ERG: variants seen among roughly 807,000 people sequenced by gnomAD.
ERG encodes the protein transcriptional regulator ERG.
Under a neutral mutation model 55.3 loss-of-function variants are expected in ERG, and 9 were observed. The ratio of observed to expected loss-of-function variants is 0.16; its 90% CI spans 0.10 to 0.28. The LOEUF (loss-of-function observed/expected upper bound fraction) is 0.28. Among genes scored for constraint, ERG ranks in the 10% least tolerant of loss-of-function variants. The pLI is 1.00. For synonymous variants in ERG, 223 were observed against 237.3 expected (o/e 0.94, Z 0.55); for missense variants, 434 against 631.6 (o/e 0.69, Z 3.35).
Position 38,382,260 on chromosome 21 carries a change from T to C in ERG, c.*1143A>G. On this transcript the variant is annotated 3_prime_UTR_variant, in exon 10 of 10. Coordinates refer to ENST00000288319, the MANE Select transcript of ERG (RefSeq NM_182918.4). ...GGGGGAAAAACATTGACTTGTATACTTCATTCTGACAAACGCACAGCGTTC... is the reference window on the plus strand; with the variant it reads ...GGGGGAAAAACATTGACTTGTATACCTCATTCTGACAAACGCACAGCGTTC... 9.5e-7 allele frequency: 1 copy of C among 1,051,534 alleles called. No homozygotes were observed. Among genetic ancestry groups the C allele is most frequent in the Non-Finnish European group, 1.1e-6 (1 of 870,156 alleles). 65.1% of individuals were successfully genotyped at this position (1,051,534 alleles called of 1,614,324 possible). A position where few individuals can be genotyped will look rare whatever the true frequency, so the allele number is the denominator to read the frequency against.
intron 1 of ERG, among the ~76,000 whole-genome samples, chr21:38,592,428 G>C (rs146631953): frequency 6.6e-6 from 1 of 152,346 alleles, no homozygotes; most frequent in East Asian, 1.9e-4. Flanking sequence ...CCTGTGATGA[G>C]AGGAGAAACC....
At chr21:38,590,773 G>T (rs138015745) in intron 1 of ERG, among the ~76,000 whole-genome samples, 2 of 152,128 alleles carry the variant, frequency 1.3e-5, no homozygotes, top group Non-Finnish European at 1.5e-5. Context: ...CACTAACTAG[G>T]GTTGGGCTTT....
At chr21:38,372,410 CTT>C in the ERG span, among the ~76,000 whole-genome samples, 1 of 151,630 alleles carries the variant, frequency 6.6e-6, no homozygotes, top group Non-Finnish European at 1.5e-5. Flanking sequence ...TTTTTGCCAA[CTT>C]TTTAAAATGG....
intron 2 of ERG, among the ~76,000 whole-genome samples, chr21:38,566,605 G>A (rs1335817937): frequency 1.3e-5 from 2 of 152,206 alleles, no homozygotes; most frequent in Non-Finnish European, 2.9e-5. Flanking sequence ...ACTTGCTGAT[G>A]TTTTGAAACC....
chr21:38,564,460 T>G (rs2226684), intron 2 of ERG, among the ~76,000 whole-genome samples: 132,313 of 152,156 alleles, frequency 0.87, 57,695 homozygotes, highest in South Asian at 0.92. Flanking sequence ...CAACAAATAT[T>G]ACATAGCTGA....
chr21:38,415,779 T>C (rs982575980), intron 3 of ERG, among the ~76,000 whole-genome samples: 2 of 152,086 alleles, frequency 1.3e-5, no homozygotes, highest in Non-Finnish European at 2.9e-5. Context: ...CCAAGAATCC[T>C]GCAACCCCTG....
chr21:38,608,231 C>T (rs1272368523), intron 1 of ERG, among the ~76,000 whole-genome samples: 1 of 152,052 alleles, frequency 6.6e-6, no homozygotes, highest in East Asian at 1.9e-4. Flanking sequence ...AAAAGTTTAA[C>T]ATACATTTAC....
At chr21:38,475,745 G>T (rs796203326) in intron 1 of ERG, among the ~76,000 whole-genome samples, 8 of 152,092 alleles carry the variant, frequency 5.3e-5, no homozygotes, top group African/African-American at 1.9e-4. Flanking sequence ...CTCTGTCTTC[G>T]TTGAGCTGTG....
intron 2 of ERG, among the ~76,000 whole-genome samples, chr21:38,527,982 G>GA (rs951588661): frequency 1.6e-4 from 24 of 152,230 alleles, no homozygotes; most frequent in African/African-American, 5.8e-4. Context: ...CTCTGAGGTC[G>GA]AAAGTCCAAG....
chr21:38,573,462 A>G (rs1019600821), intron 2 of ERG, among the ~76,000 whole-genome samples: 2 of 152,248 alleles, frequency 1.3e-5, no homozygotes, highest in Admixed American at 6.5e-5. Context: ...AAACCGCCCT[A>G]TGGTGGAAGG....
chr21:38,394,427 A>G (rs1209691803), intron 6 of ERG, among the ~76,000 whole-genome samples: 1 of 150,664 alleles, frequency 6.6e-6, no homozygotes, highest in African/African-American at 2.4e-5. Flanking sequence ...ATCTCGGCTC[A>G]CTGCAAGCTC....
At chr21:38,607,147 C>G (rs1217251802) in intron 1 of ERG, among the ~76,000 whole-genome samples, 1 of 152,138 alleles carries the variant, frequency 6.6e-6, no homozygotes, top group Non-Finnish European at 1.5e-5. Flanking sequence ...CTTCAAAGTG[C>G]TGCTGGAAAA....
At chr21:38,548,450 A>ATT (rs879449636) in intron 2 of ERG, among the ~76,000 whole-genome samples, 79 of 141,650 alleles carry the variant, frequency 5.6e-4, no homozygotes, top group African/African-American at 7.1e-4. Flanking sequence ...TTATCATATG[A>ATT]TTTTTTTTTT....
At position 38,423,467 on chromosome 21, in the gene ERG, TCTC is replaced by T. The variant is rs1989645332; in HGVS notation, c.328_330del (p.Glu110del). 2 of 1,614,108 alleles carry T rather than the reference TCTC, an allele frequency of 1.2e-6. No homozygotes were observed. Among genetic ancestry groups the T allele is most frequent in the Non-Finnish European group, 1.7e-6 (2 of 1,180,006 alleles). ...GTCATGTTTGGGGGTGGCATGTGCT[TCTC>T]CTCCATGTAGCTGCCGTAGTTCATC... On this transcript the variant is annotated inframe_deletion, in exon 3 of 10. Transcript: ENST00000288319.
In ERG at chr21:38,460,945, A is replaced by G. The variant is rs941032980; in HGVS notation, c.19-15324T>C. 1.3e-5 allele frequency among the ~76,000 whole-genome samples: 2 copies of G among 152,212 alleles called. No homozygotes were observed. Among genetic ancestry groups the G allele is most frequent in the Non-Finnish European group, 2.9e-5 (2 of 68,036 alleles). On this transcript the variant is annotated intron_variant, in intron 1 of 9. Transcript: ENST00000288319. The surrounding 1 kb of genome is among the most constrained non-coding windows in gnomAD (Gnocchi z 5.0). ...GGAGAACCTGGATTCCCAGAGCTCT[A>G]TCTGGTAGAACGTGTCTCCATATTA...
intron 1 of ERG, among the ~76,000 whole-genome samples, chr21:38,661,437 C>T (rs1454947828): frequency 6.6e-6 from 1 of 152,102 alleles, no homozygotes; most frequent in Non-Finnish European, 1.5e-5. Flanking sequence ...GGGGAGGAGC[C>T]GGATACAGCC....
At chr21:38,513,445 T>G (rs1329542555) in intron 2 of ERG, among the ~76,000 whole-genome samples, 1 of 152,168 alleles carries the variant, frequency 6.6e-6, no homozygotes, top group East Asian at 1.9e-4. Context: ...TGCTGAGAAG[T>G]ATATCAGTAT....
intron 1 of ERG, among the ~76,000 whole-genome samples, chr21:38,475,904 C>T (rs1038865309): frequency 3.3e-5 from 5 of 152,186 alleles, no homozygotes; most frequent in Non-Finnish European, 7.3e-5. Flanking sequence ...TCAATTTCCA[C>T]ACACCAAATC....
Position 38,460,321 on chromosome 21 carries a change from G to A in ERG, c.19-14700C>T, listed in dbSNP as rs550277540. ...CCTGGGTGTTGACTCAGAGAGAAGT[G>A]GAGTCTCTCTAGCCGTCTTGGCTAA... is the stretch of plus-strand genomic sequence containing the variant. On this transcript the variant is annotated intron_variant, in intron 1 of 9. Transcript: ENST00000288319. The surrounding 1 kb of genome is among the most constrained non-coding windows in gnomAD (Gnocchi z 5.0). Among the ~76,000 whole-genome samples, 2 of 152,302 alleles carry A rather than the reference G, an allele frequency of 1.3e-5. No individual in the cohort carries two copies. The highest frequency in any genetic ancestry group is 4.8e-5 in the African/African-American group (2 of 41,564).
Sources: allele counts gnomAD v4.1 joint callset (sites outside exome capture counted in the v4.1 genomes callset), GRCh38; gene constraint gnomAD v4.1.1; non-coding constraint Gnocchi (gnomAD v3.1); transcripts MANE v1.5; gene names NCBI Gene and HGNC (gene_info 2026-07-23, HGNC 2026-07-21).